Variants in IQCE observed in about 807,000 individuals in gnomAD.
The protein encoded by IQCE is IQ domain-containing protein E.
IQCE carries 115 observed loss-of-function variants against 96.0 expected under a neutral mutation model. The observed-to-expected ratio is 1.20, with a 90% CI of 1.03 to 1.40. IQCE has a LOEUF of 1.40. Among genes scored for constraint, IQCE ranks in the 40% most tolerant of loss-of-function variants. The probability of loss-of-function intolerance (pLI) is 0.00; values close to 1 mark genes in which losing one functional copy is unlikely to be tolerated. For synonymous variants in IQCE, 412 were observed against 371.2 expected (o/e 1.11, Z -1.26); for missense variants, 1,041 against 909.1 (o/e 1.15, Z -1.87).
At chr7:2,594,578 C>T (rs1259302692) in intron 15 of IQCE, among the ~76,000 whole-genome samples, 2 of 152,250 alleles carry the variant, frequency 1.3e-5, no homozygotes, top group African/African-American at 2.4e-5. Flanking sequence ...ATTCACACAA[C>T]GGATTCTTTT....
chr7:2,607,488 C>A, intron 21 of IQCE: 1 of 1,293,108 alleles, frequency 7.7e-7, no homozygotes, highest in Non-Finnish European at 9.8e-7. Context: ...CCAACAGGAC[C>A]GAGGTGGCTT....
intron 20 of IQCE, among the ~76,000 whole-genome samples, chr7:2,606,360 G>C (rs558846426): frequency 1.4e-4 from 21 of 152,286 alleles, no homozygotes; most frequent in Admixed American, 5.2e-4. Flanking sequence ...AGAAAACTGT[G>C]TTGTGACCTC....
chr7:2,578,153 GCGTGTGCGTGGCTGTGTGCGCGGGGA>G lies in IQCE; in HGVS notation c.466-82_466-57del, dbSNP rs1265156027. ...ACGTGTGTGCGGCGTGCCCGCATTGGCGTGTGCGTGGCTGTGTGCGCGGGGACGTGTGTGCGGCGTGTGCGCAGCTT... is the reference window on the plus strand; with the variant it reads ...ACGTGTGTGCGGCGTGCCCGCATTGGCGTGTGTGCGGCGTGTGCGCAGCTT... On this transcript the variant is annotated intron_variant, in intron 6 of 21. Coordinates refer to ENST00000402050, the MANE Select transcript of IQCE (RefSeq NM_152558.5). 3.2e-3 allele frequency: 3,112 copies of G among 967,300 alleles called. 79 individuals are homozygous for G. In the African/African-American group the frequency reaches 0.044, roughly 14 times the overall value. The allele number at this position is 967,300 out of a possible 1,614,324, so 59.9% of individuals were successfully genotyped here.
chr7:2,587,925 T>A (rs376132147), intron 13 of IQCE, 48 bp downstream of exon 13: 1 of 1,562,328 alleles, frequency 6.4e-7, no homozygotes, highest in Non-Finnish European at 8.8e-7. Flanking sequence ...AGGGGCCTCA[T>A]GCTGTGGGGA....
chr7:2,572,843 C>G (rs535656652), intron 5 of IQCE: 1 of 423,948 alleles, frequency 2.4e-6, no homozygotes, highest in East Asian at 7.0e-5. Context: ...CGTGCCCGGC[C>G]TCTCTCTTTA....
chr7:2,572,310 G>T lies in IQCE; in HGVS notation c.378G>T (p.Arg126Ser). ...TCAGAGTGAAGAGGCCACATCTCAG[G>T]CGCTCTGCCAGCAACGGTGAGCATG... ...DTFRVKRPHL[R>S]RSASNGHVPG... is the part of the protein sequence containing the mutation. Residue 126 changes from arginine (R) to serine (S), a missense_variant, in exon 5 of 22, where the codon AGG becomes AGT. By Grantham distance (110) the Arg-to-Ser change is moderately radical. Coordinates refer to ENST00000402050, the MANE Select transcript of IQCE (RefSeq NM_152558.5). 1 of 1,614,036 alleles carries T rather than the reference G, an allele frequency of 6.2e-7. No individual in the cohort carries two copies. Among genetic ancestry groups the T allele is most frequent in the Non-Finnish European group, 8.5e-7 (1 of 1,179,988 alleles).
chr7:2,565,876 C>T (rs1167432481), intron 1 of IQCE, among the ~76,000 whole-genome samples: 1 of 152,076 alleles, frequency 6.6e-6, no homozygotes, highest in East Asian at 1.9e-4. Flanking sequence ...TTTCCTTTGC[C>T]CCTCGAAATG....
At chr7:2,569,101 G>A in intron 3 of IQCE, 102 bp downstream of exon 3, 1 of 1,132,140 alleles carries the variant, frequency 8.8e-7, no homozygotes, top group South Asian at 1.3e-5. Context: ...GCTGAGACCT[G>A]ACGCCTCAGC....
chr7:2,605,576 C>G (rs956092942), intron 19 of IQCE, among the ~76,000 whole-genome samples: 2 of 152,000 alleles, frequency 1.3e-5, no homozygotes, highest in African/African-American at 4.8e-5. Context: ...GTCGAGATCA[C>G]GCCACTGCAC....
At position 2,560,754 on chromosome 7, in the gene IQCE, G is replaced by A. The variant is rs796979716; in HGVS notation, c.36+1537G>A. On this transcript the variant is annotated intron_variant, in intron 1 of 21. Coordinates refer to ENST00000402050, the MANE Select transcript of IQCE (RefSeq NM_152558.5). ...GGGCAGATCATGAGGTCAGGAGATC[G>A]AGACCATGCTGGCTAACACAGTGAA... is the stretch of plus-strand genomic sequence containing the variant. 1.1e-3 allele frequency among the ~76,000 whole-genome samples: 167 copies of A among 151,930 alleles called. 1 individual carries two copies. Among genetic ancestry groups the A allele is most frequent in the African/African-American group, 3.9e-3 (160 of 41,482 alleles).
intron 6 of IQCE, among the ~76,000 whole-genome samples, chr7:2,577,879 G>A (rs1263180799): frequency 7.3e-6 from 1 of 136,286 alleles, no homozygotes; most frequent in African/African-American, 2.8e-5. Context: ...GGGGACGTGT[G>A]TGCGGCGTGC....
At chr7:2,591,557 A>G (rs528756731) in intron 14 of IQCE, among the ~76,000 whole-genome samples, 1 of 150,646 alleles carries the variant, frequency 6.6e-6, no homozygotes, top group Admixed American at 6.6e-5. Context: ...GAATGCAGCC[A>G]CCGAGGCCCT....
At chr7:2,574,983 C>T (rs910533261) in intron 6 of IQCE, among the ~76,000 whole-genome samples, 2 of 152,244 alleles carry the variant, frequency 1.3e-5, no homozygotes, top group East Asian at 1.9e-4. Context: ...TCACTTGTTT[C>T]AAGCGTGCCT....
In IQCE at chr7:2,594,866, C is replaced by G; in HGVS notation, c.1350-20C>G. 1 of 1,542,346 alleles carries G rather than the reference C, an allele frequency of 6.5e-7. No homozygotes were observed. The highest frequency in any genetic ancestry group is 8.9e-7 in the Non-Finnish European group (1 of 1,119,264). The stretch of plus-strand genomic sequence containing the variant: ...CATAGTGACAGGTGAGGTGTCTCAT[C>G]TTTTCCCTTTCCGCCTTAGAGAGGA... On this transcript the variant is annotated intron_variant, in intron 15 of 21. Transcript: ENST00000402050.
In IQCE at chr7:2,582,933, C is replaced by T. The variant is rs148930172; in HGVS notation, c.701+283C>T. ...ATGAGGTTTTAACGCCTCAGTCCTG[C>T]GCCGTCCTTGTGCTGTTTTTGGCGT... On this transcript the variant is annotated intron_variant, in intron 9 of 21. Transcript: ENST00000402050. Among the ~76,000 whole-genome samples the T allele has an allele frequency of 4.1e-4, 62 of 152,258 alleles. No homozygotes were observed. In the East Asian group the frequency reaches 8.7e-3, roughly 21 times the overall value.
intron 8 of IQCE, chr7:2,582,056 C>A: frequency 4.3e-6 from 2 of 468,940 alleles, no homozygotes; most frequent in Non-Finnish European, 8.8e-6. Flanking sequence ...CTCCTCTAAG[C>A]AAGACATTCA....
chr7:2,597,237 G>T (rs1248817013), intron 16 of IQCE: 1 of 422,884 alleles, frequency 2.4e-6, no homozygotes, highest in Non-Finnish European at 4.9e-6. Context: ...CTGGCCCTGG[G>T]TGATTAAGGC....
chr7:2,581,378 G>A (rs978339632), intron 8 of IQCE, among the ~76,000 whole-genome samples: 1 of 151,754 alleles, frequency 6.6e-6, no homozygotes, highest in Non-Finnish European at 1.5e-5. Context: ...GCTACTTTTT[G>A]TATTTTTAGT....
rs574305181 is a variant in IQCE at position 2,586,144 on chromosome 7, G to T, written c.825-64G>T. The T allele has an allele frequency of 1.3e-5, 19 of 1,476,392 alleles. No homozygotes were observed. In the African/African-American group the frequency reaches 2.4e-4, roughly 19 times the overall value. The allele number at this position is 1,476,392 out of a possible 1,614,324, so 91.5% of individuals were successfully genotyped here. A position where few individuals can be genotyped will look rare whatever the true frequency, so the allele number is the denominator to read the frequency against. ...GCAAGCTGTGATTCACCTGTCCCTC[G>T]TTTCAAGCATGTGTGAAACCAGCTT... On this transcript the variant is annotated intron_variant, in intron 11 of 21. Coordinates refer to ENST00000402050, the MANE Select transcript of IQCE (RefSeq NM_152558.5).
Sources: allele counts gnomAD v4.1 joint callset (sites outside exome capture counted in the v4.1 genomes callset), GRCh38; gene constraint gnomAD v4.1.1; transcripts MANE v1.5; gene names NCBI Gene and HGNC (gene_info 2026-07-23, HGNC 2026-07-21).